The following NXPE2 variants were observed in gnomAD, a reference collection of about 807,000 sequenced individuals.
NXPE2 encodes NXPE family member 2.
A neutral mutation model predicts 34.4 loss-of-function variants in NXPE2; 34 were observed. The observed-to-expected ratio is 0.99, with a 90% CI of 0.75 to 1.31. NXPE2 has a LOEUF of 1.31. Ranked by LOEUF, NXPE2 falls within the 40% of genes most tolerant of loss-of-function variation. The pLI is 0.00. For missense variants in NXPE2, 649 were observed against 672.5 expected, an observed-to-expected ratio of 0.97 and a Z score of 0.39; for synonymous variants, 235 against 231.3, an observed-to-expected ratio of 1.02 and a Z score of -0.15.
chr11:114,548,517 C>G, the NXPE2 span, among the ~76,000 whole-genome samples: 2 of 151,810 alleles, frequency 1.3e-5, no homozygotes, highest in Admixed American at 1.3e-4. Context: ...AAATAAAAAC[C>G]CCAAATACCA....
the NXPE2 span, among the ~76,000 whole-genome samples, chr11:114,569,347 C>T: frequency 6.6e-6 from 1 of 152,288 alleles, no homozygotes; most frequent in South Asian, 2.1e-4. Flanking sequence ...AAATGTTAAC[C>T]TACATGTGTA....
chr11:114,490,315 C>G, the NXPE2 span, among the ~76,000 whole-genome samples: 1,505 of 152,320 alleles, frequency 9.9e-3, 30 homozygotes, highest in African/African-American at 0.034. Context: ...GCCTCCCCAT[C>G]AAGCTACCAA....
intron 4 of NXPE2, 21 bp downstream of exon 4, chr11:114,704,073 T>C (rs1179605399): frequency 1.3e-6 from 2 of 1,512,260 alleles, no homozygotes; most frequent in South Asian, 2.4e-5. Flanking sequence ...AGTGTTGTTG[T>C]CTGCCATGAT....
At chr11:114,492,465 A>G in the NXPE2 span, among the ~76,000 whole-genome samples, 1 of 152,042 alleles carries the variant, frequency 6.6e-6, no homozygotes, top group Non-Finnish European at 1.5e-5. Flanking sequence ...TTCTGTAGGC[A>G]TTGGATGAAA....
intron 2 of NXPE2, 41 bp from the exon 3 acceptor site, chr11:114,698,004 T>A: frequency 1.4e-6 from 2 of 1,434,394 alleles, no homozygotes; most frequent in East Asian, 5.0e-5. Context: ...CAAGCCCTAT[T>A]GTTTGCTGAT....
chr11:114,653,979 T>TGGAA, the NXPE2 span, among the ~76,000 whole-genome samples: 1 of 152,112 alleles, frequency 6.6e-6, no homozygotes, highest in Non-Finnish European at 1.5e-5. Context: ...GAGGCATACT[T>TGGAA]GGAAGGAAGG....
chr11:114,783,298 A>G, the NXPE2 span, among the ~76,000 whole-genome samples: 1 of 152,228 alleles, frequency 6.6e-6, no homozygotes, highest in Non-Finnish European at 1.5e-5. Context: ...AGAGACACCA[A>G]GAACATTTTC....
chr11:114,706,678 A>G lies in NXPE2; in HGVS notation c.1428A>G (p.Leu476=). ...AINIQKAIER[L]FLRSPETKVI... is the part of the protein sequence containing the mutation. ...ATATTCAAAAGGCCATTGAACGTCTATTCTTGCGAAGCCCGGAGACCAAGG... is the reference window on the plus strand; with the variant it reads ...ATATTCAAAAGGCCATTGAACGTCTGTTCTTGCGAAGCCCGGAGACCAAGG... The change falls in exon 6 of 6, where the codon CTA becomes CTG. Residue 476 remains leucine, a synonymous_variant. Coordinates refer to ENST00000389586, the MANE Select transcript of NXPE2 (RefSeq NM_182495.6). The G allele has an allele frequency of 6.4e-7, 1 of 1,552,084 alleles. No individual in the cohort carries two copies. The highest frequency in any genetic ancestry group is 8.7e-7 in the Non-Finnish European group (1 of 1,147,050).
chr11:114,713,784 G>A, the NXPE2 span, among the ~76,000 whole-genome samples: 1 of 152,156 alleles, frequency 6.6e-6, no homozygotes, highest in Non-Finnish European at 1.5e-5. Context: ...TGGCATTCAA[G>A]TACAAGTCTT....
At chr11:114,727,849 C>A in the NXPE2 span, among the ~76,000 whole-genome samples, 1 of 149,972 alleles carries the variant, frequency 6.7e-6, no homozygotes, top group South Asian at 2.1e-4. Context: ...TTTGGAAGAT[C>A]ACAATTTTGG....
At chr11:114,639,614 C>A in the NXPE2 span, among the ~76,000 whole-genome samples, 1 of 148,214 alleles carries the variant, frequency 6.7e-6, no homozygotes, top group South Asian at 2.1e-4. Flanking sequence ...ATCTTGGCTG[C>A]CCCACCTATG....
At chr11:114,571,364 T>C in the NXPE2 span, 1 of 1,614,046 alleles carries the variant, frequency 6.2e-7, no homozygotes, top group Admixed American at 1.7e-5. Context: ...TCATTGATCC[T>C]ATCAAGGGAT....
upstream of NXPE2, among the ~76,000 whole-genome samples, chr11:114,674,583 A>G (rs1033546794): frequency 1.3e-5 from 2 of 151,750 alleles, no homozygotes; most frequent in African/African-American, 4.8e-5. Flanking sequence ...CCACAAAAAA[A>G]AAATCAAATC....
chr11:114,721,617 T>C, the NXPE2 span, among the ~76,000 whole-genome samples: 3 of 152,200 alleles, frequency 2.0e-5, no homozygotes, highest in Non-Finnish European at 4.4e-5. Context: ...GAGATGGTGA[T>C]GATTTTAGTA....
the NXPE2 span, among the ~76,000 whole-genome samples, chr11:114,555,461 G>A: frequency 6.6e-6 from 1 of 152,152 alleles, no homozygotes; most frequent in Non-Finnish European, 1.5e-5. Flanking sequence ...TTCTGACCTT[G>A]TGATCTGCCT....
At chr11:114,813,250 C>T in the NXPE2 span, among the ~76,000 whole-genome samples, 6 of 152,306 alleles carry the variant, frequency 3.9e-5, no homozygotes, top group East Asian at 1.2e-3. Flanking sequence ...CTCCCTCTGG[C>T]GTCTCCCTCA....
the NXPE2 span, among the ~76,000 whole-genome samples, chr11:114,588,668 A>G: frequency 3.2e-4 from 48 of 152,286 alleles, no homozygotes; most frequent in African/African-American, 1.0e-3. Context: ...AAAAGGAAAC[A>G]CTTTTTAATG....
At chr11:114,658,781 G>T in the NXPE2 span, among the ~76,000 whole-genome samples, 1 of 152,126 alleles carries the variant, frequency 6.6e-6, no homozygotes, top group African/African-American at 2.4e-5. Flanking sequence ...TCACTGAGAA[G>T]GCCTTTCCCT....
intron 3 of NXPE2, 124 bp downstream of exon 3, chr11:114,698,902 C>T: frequency 1.1e-6 from 1 of 939,256 alleles, no homozygotes; most frequent in South Asian, 1.8e-5. Flanking sequence ...TAATTAGGTC[C>T]TCAGAGTCAG....
Sources: allele counts gnomAD v4.1 joint callset (sites outside exome capture counted in the v4.1 genomes callset), GRCh38; gene constraint gnomAD v4.1.1; transcripts MANE v1.5; gene names NCBI Gene and HGNC (gene_info 2026-07-23, HGNC 2026-07-21).